Variants in PTP4A3 observed in about 807,000 individuals in gnomAD.
PTP4A3 encodes the protein protein tyrosine phosphatase type IVA 3.
PTP4A3 carries 9 observed loss-of-function variants against 15.2 expected under a neutral mutation model. The observed-to-expected ratio is 0.59, with a 90% CI of 0.36 to 1.03. The LOEUF is 1.03. Ranked by LOEUF, PTP4A3 falls within the 50% of genes least tolerant of loss-of-function variation. The pLI is 0.02. For synonymous variants in PTP4A3, 95 were observed against 102.0 expected (o/e 0.93, Z 0.41); for missense variants, 234 against 252.1 (o/e 0.93, Z 0.49).
intron 1 of PTP4A3, among the ~76,000 whole-genome samples, chr8:141,420,166 G>C (rs1833261448): frequency 6.6e-6 from 1 of 152,220 alleles, no homozygotes; most frequent in South Asian, 2.1e-4. Context: ...GGGGAATGGA[G>C]GGCTCTGCTG....
Position 141,430,951 on chromosome 8 carries a change from C to T in PTP4A3, c.429C>T (p.Ser143=). ...GGAAGCGCCGCGGAGCCATCAACAG[C>T]AAGCAGCTCACCTACCTGGAGAAAT... The part of the protein sequence containing the change: ...IRQKRRGAIN[S]KQLTYLEKYR... The change falls in exon 6 of 6, where the codon AGC becomes AGT. Residue 143 remains serine (S), a synonymous_variant. Transcript: ENST00000521578. 1 of 1,613,306 alleles carries T rather than the reference C, an allele frequency of 6.2e-7. No homozygotes were observed. The highest frequency in any genetic ancestry group is 8.5e-7 in the Non-Finnish European group (1 of 1,179,964).
chr8:141,422,411 CT>C, intron 2 of PTP4A3, 66 bp downstream of exon 2: 1 of 1,579,048 alleles, frequency 6.3e-7, no homozygotes, highest in South Asian at 1.1e-5. Flanking sequence ...CTGAGCTGCC[CT>C]CAGGCCTCGC....
chr8:141,426,871 C>A, intron 3 of PTP4A3, 68 bp from the exon 4 acceptor site: 1 of 1,559,042 alleles, frequency 6.4e-7, no homozygotes, highest in Non-Finnish European at 8.7e-7. Flanking sequence ...CCTTTCCTCG[C>A]CTGAGCCCCA....
In PTP4A3 at chr8:141,432,034, G is replaced by A. The variant is rs1833898212; in HGVS notation, c.*990G>A. Reference sequence around the variant, plus strand: ...GAGGCCTGGACCAGGGCCCGCCGGAGGGCGTGGACCAGATGCTCATGTGTT... The same window carrying A: ...GAGGCCTGGACCAGGGCCCGCCGGAAGGCGTGGACCAGATGCTCATGTGTT... On this transcript the variant is annotated 3_prime_UTR_variant, in exon 6 of 6. Transcript: ENST00000521578. The A allele has an allele frequency of 6.6e-6, 1 of 152,428 alleles. No individual in the cohort carries two copies. Among genetic ancestry groups the A allele is most frequent in the South Asian group, 2.1e-4 (1 of 4,838 alleles). 9.4% of individuals were successfully genotyped at this position (152,428 alleles called of 1,614,324 possible).
intron 1 of PTP4A3, among the ~76,000 whole-genome samples, chr8:141,405,068 C>T (rs1022347352): frequency 1.7e-4 from 26 of 152,210 alleles, no homozygotes; most frequent in African/African-American, 5.5e-4. Context: ...GGTCAGTCAA[C>T]GCTCCCTGTC....
At chr8:141,401,002 G>A (rs1832576147) in intron 1 of PTP4A3, among the ~76,000 whole-genome samples, 1 of 152,112 alleles carries the variant, frequency 6.6e-6, no homozygotes, top group Non-Finnish European at 1.5e-5. Context: ...CCAGGAAGGG[G>A]CAAGCCGGGT....
At chr8:141,424,182 C>T (rs543680124) in intron 2 of PTP4A3, among the ~76,000 whole-genome samples, 9 of 152,254 alleles carry the variant, frequency 5.9e-5, no homozygotes, top group African/African-American at 2.2e-4. Context: ...CTCTGTGTTC[C>T]AGGTCCCTGT....
At chr8:141,422,591 G>C (rs750117379) in intron 2 of PTP4A3, among the ~76,000 whole-genome samples, 1 of 152,146 alleles carries the variant, frequency 6.6e-6, no homozygotes, top group African/African-American at 2.4e-5. Flanking sequence ...GGGGGCTGGC[G>C]TGTGATAGGA....
At chr8:141,396,850 C>T (rs570945613) in intron 1 of PTP4A3, among the ~76,000 whole-genome samples, 2 of 152,270 alleles carry the variant, frequency 1.3e-5, no homozygotes, top group Admixed American at 1.3e-4. Flanking sequence ...ACGTGCGGGT[C>T]CTGAGTGCAC....
At chr8:141,422,730 C>A (rs910072645) in intron 2 of PTP4A3, among the ~76,000 whole-genome samples, 1 of 152,184 alleles carries the variant, frequency 6.6e-6, no homozygotes, top group Admixed American at 6.5e-5. Flanking sequence ...TGTTGCTGGG[C>A]TCTGGATGAG....
In PTP4A3 at chr8:141,406,232, TGTC is replaced by T. The variant is rs1212619912; in HGVS notation, c.-854+14150_-854+14152del. Among the ~76,000 whole-genome samples the T allele has an allele frequency of 6.6e-6, 1 of 152,102 alleles. No homozygotes were observed. The highest frequency in any genetic ancestry group is 1.5e-5 in the Non-Finnish European group (1 of 68,002). ...TGGGCTCAGGTGTCACCATTTCACT[TGTC>T]GGCCACCCACGGCTGCTTCCTGCCC... On this transcript the variant is annotated intron_variant, in intron 1 of 5. Transcript: ENST00000521578. The surrounding 1 kb of genome is among the most constrained non-coding windows in gnomAD (Gnocchi z 4.5).
intron 1 of PTP4A3, among the ~76,000 whole-genome samples, chr8:141,396,897 A>G (rs1230057542): frequency 6.6e-6 from 1 of 152,098 alleles, no homozygotes; most frequent in Non-Finnish European, 1.5e-5. Context: ...TGGATGAACG[A>G]TCCAGGGAAG....
chr8:141,412,114 G>A (rs1040609473), intron 1 of PTP4A3, among the ~76,000 whole-genome samples: 15 of 152,364 alleles, frequency 9.8e-5, no homozygotes, highest in Admixed American at 9.8e-4. Context: ...TCAGGGAGGG[G>A]CGTCATGGGT....
chr8:141,425,726 C>T lies in PTP4A3; in HGVS notation c.198+586C>T, dbSNP rs114422119. Among the ~76,000 whole-genome samples, 5,058 of 152,256 alleles carry T rather than the reference C, an allele frequency of 0.033. 272 individuals carry two copies. The highest frequency in any genetic ancestry group is 0.11 in the African/African-American group (4,768 of 41,528). On this transcript the variant is annotated intron_variant, in intron 3 of 5. Coordinates refer to ENST00000521578, the MANE Select transcript of PTP4A3 (RefSeq NM_032611.3). This position sits in a 1 kb window ranked among gnomAD's most constrained non-coding sequence, Gnocchi z 4.2. ...CCCCTGGTGCAGGCCTGCCCAGCTG[C>T]GCCTGGGCCTCAGTCTCCTCAGTGC...
Position 141,422,219 on chromosome 8 carries a change from G to C in PTP4A3, c.-22G>C, listed in dbSNP as rs753052041. 2 of 1,612,410 alleles carry C rather than the reference G, an allele frequency of 1.2e-6. No individual in the cohort carries two copies. The highest frequency in any genetic ancestry group is 1.7e-6 in the Non-Finnish European group (2 of 1,179,756). On this transcript the variant is annotated 5_prime_UTR_variant, in exon 2 of 6. Coordinates refer to ENST00000521578, the MANE Select transcript of PTP4A3 (RefSeq NM_032611.3). ...CCTTCTCTGCAGTCCCTTCTGCCCTGCCGGGCCCGTCGGGAGGCGCCATGG... is the reference window on the plus strand; with the variant it reads ...CCTTCTCTGCAGTCCCTTCTGCCCTCCCGGGCCCGTCGGGAGGCGCCATGG...
chr8:141,401,161 C>T (rs1290700078), intron 1 of PTP4A3, among the ~76,000 whole-genome samples: 1 of 152,186 alleles, frequency 6.6e-6, no homozygotes, highest in Non-Finnish European at 1.5e-5. Flanking sequence ...CTGCCATGGT[C>T]GTCCTGTTTC....
chr8:141,393,474 C>T (rs1189917958), intron 1 of PTP4A3, among the ~76,000 whole-genome samples: 4 of 152,336 alleles, frequency 2.6e-5, no homozygotes, highest in Admixed American at 1.3e-4. Context: ...ACACCCCCAA[C>T]GTGTTCTCCA....
chr8:141,430,913 TC>T lies in PTP4A3; in HGVS notation c.405-10del, dbSNP rs757629651. 7.5e-5 allele frequency: 121 copies of T among 1,611,646 alleles called. No individual in the cohort carries two copies. Among genetic ancestry groups the T allele is most frequent in the Middle Eastern group, 1.6e-4 (1 of 6,078 alleles). ...GTCCTTGGATGATCTCTGTTCCTGTTCCCCTCTTCCCAGGAAGCGCCGCGGA... is the reference window on the plus strand; with the variant it reads ...GTCCTTGGATGATCTCTGTTCCTGTTCCCTCTTCCCAGGAAGCGCCGCGGA... On this transcript the variant is annotated splice_polypyrimidine_tract_variant and intron_variant, in intron 5 of 5. Transcript: ENST00000521578.
chr8:141,425,911 G>T lies in PTP4A3; in HGVS notation c.198+771G>T, dbSNP rs560547692. ...TCCCGCCTCTGCCCTCCCCAGCCTT[G>T]CGACCCTGCAGGTCACTCCGAGCCT... On this transcript the variant is annotated intron_variant, in intron 3 of 5. Transcript: ENST00000521578. This position sits in a 1 kb window ranked among gnomAD's most constrained non-coding sequence, Gnocchi z 4.2. Among the ~76,000 whole-genome samples the T allele has an allele frequency of 6.6e-6, 1 of 152,328 alleles. No homozygotes were observed. Among genetic ancestry groups the T allele is most frequent in the East Asian group, 1.9e-4 (1 of 5,184 alleles).
Sources: gnomAD v4.1 joint callset for allele counts (sites outside exome capture counted in the v4.1 genomes callset) on GRCh38, gnomAD v4.1.1 for gene constraint, Gnocchi (gnomAD v3.1) non-coding constraint, MANE v1.5 for transcripts, NCBI Gene and HGNC (gene_info 2026-07-23, HGNC 2026-07-21) for gene names.